DNAH14: variants seen among roughly 807,000 people sequenced by gnomAD.
DNAH14 encodes dynein axonemal heavy chain 14, also known as axonemal beta dynein heavy chain 14.
A neutral mutation model predicts 520.9 loss-of-function variants in DNAH14; 478 were observed. The observed-to-expected ratio is 0.92, with a 90% CI of 0.85 to 0.99. The LOEUF (loss-of-function observed/expected upper bound fraction) is 0.99, where lower values mean the gene tolerates loss of function less well. Ranked by LOEUF, DNAH14 falls within the 50% of genes least tolerant of loss-of-function variation. The pLI, the probability that DNAH14 is intolerant of heterozygous loss-of-function variation, is 0.00. For synonymous variants in DNAH14, 1,581 were observed against 1,757.2 expected, an observed-to-expected ratio of 0.90 and a Z score of 2.51; for missense variants, 4,831 against 5,234.5, an observed-to-expected ratio of 0.92 and a Z score of 2.38.
At chr1:224,979,131 CA>C (rs1227969582) in intron 8 of DNAH14, among the ~76,000 whole-genome samples, 1 of 152,074 alleles carries the variant, frequency 6.6e-6, no homozygotes, top group East Asian at 1.9e-4. Flanking sequence ...GCAGGAACAC[CA>C]AATGTTCCTT....
intron 54 of DNAH14, among the ~76,000 whole-genome samples, chr1:225,281,279 C>A (rs2093621857): frequency 6.6e-6 from 1 of 152,150 alleles, no homozygotes; most frequent in South Asian, 2.1e-4. Flanking sequence ...TGGCTCATAA[C>A]TGCCTTTATC....
Position 224,980,006 on chromosome 1 carries a change from T to C in DNAH14, c.830+5853T>C, listed in dbSNP as rs140480871. Among the ~76,000 whole-genome samples the C allele has an allele frequency of 2.0e-5, 3 of 152,288 alleles. No homozygotes were observed. In the East Asian group the frequency reaches 5.8e-4, roughly 29 times the overall value. ...CACCAGTGTTAACCAGGTAGTACACTATGGCCTTGGGTGAGACTCAAACAT... is the reference window on the plus strand; with the variant it reads ...CACCAGTGTTAACCAGGTAGTACACCATGGCCTTGGGTGAGACTCAAACAT... On this transcript the variant is annotated intron_variant, in intron 8 of 85. Coordinates refer to ENST00000682510, the MANE Select transcript of DNAH14 (RefSeq NM_001367479.1).
At chr1:225,345,397 G>A (rs2095271216) in intron 69 of DNAH14, among the ~76,000 whole-genome samples, 1 of 152,080 alleles carries the variant, frequency 6.6e-6, no homozygotes, top group Admixed American at 6.5e-5. Flanking sequence ...AGTTTATAAT[G>A]GAAACCTGAG....
At chr1:225,241,290 T>G (rs2091949196) in intron 43 of DNAH14, among the ~76,000 whole-genome samples, 1 of 152,200 alleles carries the variant, frequency 6.6e-6, no homozygotes, top group Non-Finnish European at 1.5e-5. Flanking sequence ...CAGTAAACAT[T>G]TGCAATTAGC....
At chr1:224,954,848 A>G in intron 2 of DNAH14, 111 bp from the exon 3 acceptor site, 1 of 751,194 alleles carries the variant, frequency 1.3e-6, no homozygotes, top group East Asian at 2.6e-5. Context: ...ATTAAACCTA[A>G]GAAGCTGTTT....
At chr1:225,290,212 G>A in intron 55 of DNAH14, 130 bp downstream of exon 55, 1 of 606,210 alleles carries the variant, frequency 1.6e-6, no homozygotes. Flanking sequence ...TACAATATCA[G>A]TTTTCTTGCA....
intron 36 of DNAH14, among the ~76,000 whole-genome samples, chr1:225,168,747 T>C (rs576795949): frequency 6.6e-5 from 10 of 152,250 alleles, no homozygotes; most frequent in African/African-American, 2.4e-4. Context: ...AAATAAAAAA[T>C]AGCAGAAACC....
rs2080747336 is a variant in DNAH14, at chr1:225,153,751, A to G, written c.5198A>G (p.Asp1733Gly). 6.5e-7 allele frequency: 1 copy of G among 1,541,304 alleles called. No individual in the cohort carries two copies. Among genetic ancestry groups the G allele is most frequent in the Non-Finnish European group, 8.8e-7 (1 of 1,139,234 alleles). Residue 1733 changes from aspartate (D) to glycine (G), a missense_variant and splice_region_variant, in exon 34 of 86, where the codon GAT (aspartate) becomes GGT (glycine). By Grantham distance (94) the Asp-to-Gly change is moderately conservative. Coordinates refer to ENST00000682510, the MANE Select transcript of DNAH14 (RefSeq NM_001367479.1). ...ELARKQLSQQ[D>G]HYNFGLRSLK... The stretch of plus-strand genomic sequence containing the variant: ...TTCAAATATTTTAATGTTTGATAGG[A>G]TCATTATAATTTTGGCTTGAGATCT...
intron 77 of DNAH14, among the ~76,000 whole-genome samples, chr1:225,371,224 T>C (rs1558550003): frequency 6.6e-6 from 1 of 152,152 alleles, no homozygotes; most frequent in Non-Finnish European, 1.5e-5. Context: ...ACATAAAATA[T>C]AAATGGATCT....
Position 225,079,453 on chromosome 1 carries a change from AAAAT to A in DNAH14, c.2679_2682del (p.Asn893LysfsTer5). ...ACTAAAATCATCTATGAAGTTAAGTAAAATAAATAAAGACACTGCTATAACTAAA... is the reference window on the plus strand; with the variant it reads ...ACTAAAATCATCTATGAAGTTAAGTAAAATAAAGACACTGCTATAACTAAA... On this transcript the variant is annotated frameshift_variant, in exon 18 of 86. Coordinates refer to ENST00000682510, the MANE Select transcript of DNAH14 (RefSeq NM_001367479.1). LOFTEE classifies it high-confidence loss of function. 3.2e-6 allele frequency: 5 copies of A among 1,548,432 alleles called. No individual in the cohort carries two copies. Among genetic ancestry groups the A allele is most frequent in the East Asian group, 2.4e-5 (1 of 40,828 alleles).
At chr1:224,942,032 C>A (rs2059453798) in intron 1 of DNAH14, among the ~76,000 whole-genome samples, 1 of 152,016 alleles carries the variant, frequency 6.6e-6, no homozygotes, top group Admixed American at 6.6e-5. Context: ...TAGTTTTTTC[C>A]AATTCTGTGA....
intron 36 of DNAH14, among the ~76,000 whole-genome samples, chr1:225,178,534 G>A (rs554537920): frequency 6.6e-6 from 1 of 152,206 alleles, no homozygotes; most frequent in East Asian, 1.9e-4. Context: ...TTGAGATTTG[G>A]GTGCAGACAC....
At chr1:225,266,438 GT>G (rs889101939) in intron 48 of DNAH14, among the ~76,000 whole-genome samples, 2 of 152,032 alleles carry the variant, frequency 1.3e-5, no homozygotes, top group African/African-American at 2.4e-5. Flanking sequence ...AAAACTTACT[GT>G]TTTTAAAAAT....
At chr1:224,967,373 A>C (rs1265568500) in intron 5 of DNAH14, 58 bp from the exon 6 acceptor site, 8 of 1,286,452 alleles carry the variant, frequency 6.2e-6, no homozygotes, top group Non-Finnish European at 7.3e-6. Context: ...CATTGTATTA[A>C]TTTAGTTAAT....
chr1:225,393,831 T>C (rs905889755), intron 84 of DNAH14, among the ~76,000 whole-genome samples: 3 of 151,722 alleles, frequency 2.0e-5, no homozygotes, highest in Non-Finnish European at 4.4e-5. Context: ...TTTTGTTTTT[T>C]TTTTTGAGAC....
rs762052638 is a variant in DNAH14, at chr1:225,333,351, A to T, written c.9925A>T (p.Ile3309Leu). Residue 3309 changes from isoleucine (I) to leucine (L), a missense_variant, in exon 66 of 86, where the codon ATA becomes TTA. Transcript: ENST00000682510. ...DNKLEGILGD[I>L]LLSAACIVYS... Reference sequence around the variant, plus strand: ...CAAATTAGAAGGAATTTTGGGTGACATACTTCTTTCAGCAGCGTGCATTGT... The same window carrying T: ...CAAATTAGAAGGAATTTTGGGTGACTTACTTCTTTCAGCAGCGTGCATTGT... 1.2e-5 allele frequency: 18 copies of T among 1,551,804 alleles called. No individual in the cohort carries two copies. In the South Asian group the frequency reaches 2.0e-4, roughly 17 times the overall value.
At chr1:225,329,828 G>A (rs555360753) in intron 64 of DNAH14, among the ~76,000 whole-genome samples, 1 of 152,154 alleles carries the variant, frequency 6.6e-6, no homozygotes, top group Admixed American at 6.5e-5. Flanking sequence ...AAAAGCTTCT[G>A]CACAGTAAAG....
chr1:225,333,252 A>AT, intron 65 of DNAH14, 39 bp from the exon 66 acceptor site: 1 of 1,448,284 alleles, frequency 6.9e-7, no homozygotes, highest in Non-Finnish European at 9.3e-7. Context: ...ATGATAATAT[A>AT]TTTTATATAG....
intron 8 of DNAH14, among the ~76,000 whole-genome samples, chr1:224,997,947 G>A (rs1250288365): frequency 6.6e-6 from 1 of 152,014 alleles, no homozygotes; most frequent in East Asian, 1.9e-4. Flanking sequence ...CATGGACAGA[G>A]GAATGAATTC....
Sources: gnomAD v4.1 joint callset for allele counts (sites outside exome capture counted in the v4.1 genomes callset) on GRCh38, gnomAD v4.1.1 for gene constraint, MANE v1.5 for transcripts, NCBI Gene and HGNC (gene_info 2026-07-23, HGNC 2026-07-21) for gene names.